Variants in SPTLC1 observed in about 807,000 individuals in gnomAD.
SPTLC1 encodes the protein serine palmitoyltransferase long chain base subunit 1.
SPTLC1 carries 55 observed loss-of-function variants against 68.9 expected under a neutral mutation model. The ratio of observed to expected loss-of-function variants is 0.80; its 90% CI spans 0.64 to 1.00. The LOEUF (loss-of-function observed/expected upper bound fraction) is 1.00, where lower values mean the gene tolerates loss of function less well. Ranked by LOEUF, SPTLC1 falls within the 50% of genes least tolerant of loss-of-function variation. The pLI, the probability that SPTLC1 is intolerant of heterozygous loss-of-function variation, is 0.00. For missense variants in SPTLC1, 449 were observed against 573.1 expected, an observed-to-expected ratio of 0.78 and a Z score of 2.21; for synonymous variants, 197 against 201.6, an observed-to-expected ratio of 0.98 and a Z score of 0.19.
At chr9:92,086,738 A>C (rs550034252) in intron 3 of SPTLC1, among the ~76,000 whole-genome samples, 1 of 151,596 alleles carries the variant, frequency 6.6e-6, no homozygotes, top group Non-Finnish European at 1.5e-5. Context: ...TGCTCTTCTC[A>C]AGGAGTATCT....
intron 6 of SPTLC1, among the ~76,000 whole-genome samples, chr9:92,066,756 C>T (rs573763797): frequency 2.6e-5 from 4 of 152,274 alleles, no homozygotes; most frequent in East Asian, 3.9e-4. Context: ...CAGTGGCTCA[C>T]GCCTGTAATC....
chr9:92,063,736 AG>A (rs1834181869), intron 6 of SPTLC1, among the ~76,000 whole-genome samples: 1 of 152,176 alleles, frequency 6.6e-6, no homozygotes, highest in Non-Finnish European at 1.5e-5. Context: ...CACCACATTA[AG>A]AGACTAAAAA....
intron 3 of SPTLC1, among the ~76,000 whole-genome samples, chr9:92,088,134 T>C (rs4307406): frequency 0.33 from 49,987 of 152,018 alleles, 11,774 homozygotes; most frequent in African/African-American, 0.66. Flanking sequence ...ACCCAATTTT[T>C]CAGGTGCCGT....
At chr9:92,082,501 G>C (rs1834923904) in intron 3 of SPTLC1, among the ~76,000 whole-genome samples, 2 of 147,618 alleles carry the variant, frequency 1.4e-5, no homozygotes, top group African/African-American at 5.0e-5. Flanking sequence ...TTGGTTTTTT[G>C]TCCTTGCGAT....
chr9:92,034,750 G>C, intron 14 of SPTLC1, 60 bp downstream of exon 14: 1 of 1,414,902 alleles, frequency 7.1e-7, no homozygotes, highest in Non-Finnish European at 1.0e-6. Flanking sequence ...AAAAGATAAC[G>C]TATTTCATAG....
chr9:92,076,126 G>A (rs1441849035), intron 5 of SPTLC1, among the ~76,000 whole-genome samples: 1 of 152,134 alleles, frequency 6.6e-6, no homozygotes, highest in African/African-American at 2.4e-5. Flanking sequence ...GCAAAGGACT[G>A]CATGTTAATA....
chr9:92,038,716 C>T (rs1833239205), intron 12 of SPTLC1, among the ~76,000 whole-genome samples: 1 of 152,242 alleles, frequency 6.6e-6, no homozygotes, highest in Non-Finnish European at 1.5e-5. Context: ...GTTTGTTCTT[C>T]CCTGTGTTGG....
chr9:92,097,832 CA>C (rs898518039), intron 3 of SPTLC1, among the ~76,000 whole-genome samples: 3 of 151,964 alleles, frequency 2.0e-5, no homozygotes, highest in African/African-American at 7.3e-5. Context: ...GATTACGTAT[CA>C]ATACAGCTGC....
intron 1 of SPTLC1, among the ~76,000 whole-genome samples, chr9:92,114,036 G>C (rs933603485): frequency 6.6e-6 from 1 of 152,072 alleles, no homozygotes; most frequent in African/African-American, 2.4e-5. Context: ...CACTTTGGGA[G>C]GCCAAAGCAG....
At chr9:92,110,253 C>A (rs1213528027) in intron 2 of SPTLC1, 2 of 152,188 alleles carry the variant, frequency 1.3e-5, no homozygotes, top group Non-Finnish European at 2.9e-5. Flanking sequence ...TAACTTAATA[C>A]TTACATAGAA....
rs759651896 is a variant in SPTLC1 at position 92,032,508 on chromosome 9, G to A, written c.1379C>T (p.Ala460Val). Residue 460 changes from alanine to valine, a missense_variant, in exon 15 of 15, where the codon GCT becomes GTT. Physicochemically the swap from Ala to Val is moderately conservative, Grantham distance 64. Coordinates refer to ENST00000262554, the MANE Select transcript of SPTLC1 (RefSeq NM_006415.4). ...GGCTACCTCCTTGATGGTGGACGCA[G>A]CTCTCTCCAGTTCTTCCTCTGTTTG... The part of the protein sequence containing the change: ...VEQTEEELER[A>V]ASTIKEVAQA... 1.2e-6 allele frequency: 2 copies of A among 1,614,186 alleles called. No homozygotes were observed. Among genetic ancestry groups the A allele is most frequent in the Admixed American group, 3.3e-5 (2 of 60,018 alleles).
chr9:92,109,905 G>A (rs28637477), intron 2 of SPTLC1: 16,391 of 152,352 alleles, frequency 0.11, 1,908 homozygotes, highest in African/African-American at 0.3. Flanking sequence ...CCTGGGAGGC[G>A]GAGGCTGCGG....
intron 3 of SPTLC1, among the ~76,000 whole-genome samples, chr9:92,082,927 C>T (rs1834946278): frequency 6.6e-6 from 1 of 152,156 alleles, no homozygotes; most frequent in Non-Finnish European, 1.5e-5. Flanking sequence ...TGAATGACTG[C>T]CATTCTAACT....
At chr9:92,035,092 C>T (rs1833099576) in intron 13 of SPTLC1, among the ~76,000 whole-genome samples, 2 of 152,242 alleles carry the variant, frequency 1.3e-5, no homozygotes, top group South Asian at 4.2e-4. Context: ...TGTGTAGTGC[C>T]CAGCAGTCGC....
chr9:92,098,567 T>C (rs1835625828), intron 3 of SPTLC1, among the ~76,000 whole-genome samples: 1 of 151,986 alleles, frequency 6.6e-6, no homozygotes, highest in South Asian at 2.1e-4. Context: ...AAAAATATTG[T>C]GCATATTGAA....
At chr9:92,038,469 G>A (rs781336063) in intron 12 of SPTLC1, 104 bp from the exon 13 acceptor site, 10 of 823,502 alleles carry the variant, frequency 1.2e-5, no homozygotes, top group Non-Finnish European at 1.7e-5. Flanking sequence ...CACAGTGAAC[G>A]TACAGAAGCT....
At chr9:92,091,815 A>G (rs1038536391) in intron 3 of SPTLC1, among the ~76,000 whole-genome samples, 1 of 152,246 alleles carries the variant, frequency 6.6e-6, no homozygotes, top group African/African-American at 2.4e-5. Context: ...ACTACACACA[A>G]TGATACAGTA....
intron 3 of SPTLC1, among the ~76,000 whole-genome samples, chr9:92,087,071 C>G (rs1208016947): frequency 6.6e-6 from 1 of 152,068 alleles, no homozygotes; most frequent in African/African-American, 2.4e-5. Flanking sequence ...ACATAGTTCT[C>G]GAGCCTTGGC....
intron 3 of SPTLC1, among the ~76,000 whole-genome samples, chr9:92,090,289 G>A (rs768612588): frequency 2.2e-4 from 34 of 152,164 alleles, no homozygotes; most frequent in Non-Finnish European, 4.6e-4. Context: ...GTAAGTCCCT[G>A]TACTGCTCAG....
Sources: gnomAD v4.1 joint callset for allele counts (sites outside exome capture counted in the v4.1 genomes callset) on GRCh38, gnomAD v4.1.1 for gene constraint, MANE v1.5 for transcripts, NCBI Gene and HGNC (gene_info 2026-07-23, HGNC 2026-07-21) for gene names.